COBLL1: variants seen among roughly 807,000 people sequenced by gnomAD.
The protein encoded by COBLL1 is cordon-bleu protein-like 1.
COBLL1 carries 50 observed loss-of-function variants against 94.8 expected under a neutral mutation model. That is an observed-to-expected ratio of 0.53 (90% CI 0.42 to 0.67). The LOEUF (loss-of-function observed/expected upper bound fraction) is 0.67. COBLL1 is among the 30% of genes least tolerant of loss of function. The probability of loss-of-function intolerance (pLI) is 0.00; values close to 1 mark genes in which losing one functional copy is unlikely to be tolerated. For missense variants in COBLL1, 1,362 were observed against 1,348.7 expected (o/e 1.01, Z -0.15); for synonymous variants, 448 against 473.8 (o/e 0.95, Z 0.71).
chr2:164,724,685 A>G (rs567800169), intron 5 of COBLL1: 1 of 152,328 alleles, frequency 6.6e-6, no homozygotes, highest in Admixed American at 6.5e-5. Flanking sequence ...GTGAGACATA[A>G]CTAAAGCTAA....
chr2:164,828,729 T>C (rs1682907142), intron 2 of COBLL1, among the ~76,000 whole-genome samples: 1 of 152,242 alleles, frequency 6.6e-6, no homozygotes, highest in Non-Finnish European at 1.5e-5. Flanking sequence ...ACGGAATTAA[T>C]TTACATTTCA....
chr2:164,783,800 C>G (rs142004805), intron 2 of COBLL1, among the ~76,000 whole-genome samples: 3 of 151,838 alleles, frequency 2.0e-5, no homozygotes, highest in East Asian at 1.9e-4. Context: ...GATCCAATCA[C>G]GACAAAATAT....
chr2:164,797,058 A>G (rs890695171), intron 2 of COBLL1, among the ~76,000 whole-genome samples: 12 of 152,230 alleles, frequency 7.9e-5, no homozygotes, highest in African/African-American at 2.9e-4. Context: ...ACAATTTCAC[A>G]TTTGGTATTG....
rs1180424499 is a variant in COBLL1, at chr2:164,741,607, T to G, written c.230+2080A>C. Among the ~76,000 whole-genome samples, 4 of 151,766 alleles carry G rather than the reference T, an allele frequency of 2.6e-5. No homozygotes were observed. The East Asian group carries it at 7.8e-4, about 29-fold the overall frequency. On this transcript the variant is annotated intron_variant, in intron 3 of 13. Transcript: ENST00000652658. Reference sequence around the variant, plus strand: ...TTTAATCATATTTAATCCTATCAATTCGGCTATAATACATTTTCATAGATT... The same window carrying G: ...TTTAATCATATTTAATCCTATCAATGCGGCTATAATACATTTTCATAGATT...
intron 7 of COBLL1, among the ~76,000 whole-genome samples, chr2:164,720,163 A>G (rs1037480398): frequency 1.3e-5 from 2 of 152,172 alleles, no homozygotes; most frequent in Admixed American, 1.3e-4. Flanking sequence ...GGAAAGACAA[A>G]TAAGTCTGGG....
At position 164,727,971 on chromosome 2, in the gene COBLL1, C is replaced by T. The variant is rs1363995965; in HGVS notation, c.659G>A (p.Arg220Lys). 1.3e-6 allele frequency: 2 copies of T among 1,586,980 alleles called. No homozygotes were observed. The highest frequency in any genetic ancestry group is 1.7e-5 in the Admixed American group (1 of 59,814). ...AATAAAATAAAAGTCTTACTTACCTCTGTTGACATCCATCGCATATAATTC... is the reference window on the plus strand; with the variant it reads ...AATAAAATAAAAGTCTTACTTACCTTTGTTGACATCCATCGCATATAATTC... ...LRELYAMDVN[R>K]ESCQISQNLD... The change falls in exon 5 of 14, where the codon AGA becomes AAA. Residue 220 changes from arginine to lysine, a missense_variant and splice_region_variant. Coordinates refer to ENST00000652658, the MANE Select transcript of COBLL1 (RefSeq NM_001365672.2).
At chr2:164,669,032 C>A (rs181046237) in intron 1 of COBLL1, among the ~76,000 whole-genome samples, 1 of 152,180 alleles carries the variant, frequency 6.6e-6, no homozygotes, top group Admixed American at 6.5e-5. Context: ...TTTATCCTGT[C>A]CTTAGCAATA....
At chr2:164,720,261 G>C (rs1685377098) in intron 7 of COBLL1, among the ~76,000 whole-genome samples, 1 of 135,436 alleles carries the variant, frequency 7.4e-6, no homozygotes, top group African/African-American at 3.1e-5. Context: ...TGTGTAGTTT[G>C]CCAAAGGCAA....
Position 164,685,856 on chromosome 2 carries a change from T to C in COBLL1, c.*90A>G. 1.6e-6 allele frequency: 1 copy of C among 623,488 alleles called. No homozygotes were observed. Among genetic ancestry groups the C allele is most frequent in the Non-Finnish European group, 2.8e-6 (1 of 352,746 alleles). 38.6% of individuals were successfully genotyped at this position (623,488 alleles called of 1,614,324 possible). On this transcript the variant is annotated 3_prime_UTR_variant, in exon 14 of 14. Transcript: ENST00000652658. The stretch of plus-strand genomic sequence containing the variant: ...TATTTTAATAGATAATATATTAGTG[T>C]ACATCTGAATATACATTTGCCAAAA...
At chr2:164,717,490 T>C (rs1483312966) in intron 7 of COBLL1, among the ~76,000 whole-genome samples, 4 of 152,220 alleles carry the variant, frequency 2.6e-5, no homozygotes. Flanking sequence ...TACGTTCATA[T>C]GTTTTGCTGA....
chr2:164,689,295 G>A (rs1477904811), intron 13 of COBLL1, among the ~76,000 whole-genome samples: 1 of 152,086 alleles, frequency 6.6e-6, no homozygotes. Flanking sequence ...AGACAAGTGG[G>A]TACCTGGAGT....
chr2:164,666,275 A>T (rs987934795), intron 1 of COBLL1, among the ~76,000 whole-genome samples: 1 of 152,232 alleles, frequency 6.6e-6, no homozygotes, highest in Admixed American at 6.5e-5. Context: ...CAGTACATAT[A>T]AAAGTTATGG....
At chr2:164,819,411 T>C (rs1197597333) in intron 2 of COBLL1, among the ~76,000 whole-genome samples, 1 of 152,164 alleles carries the variant, frequency 6.6e-6, no homozygotes, top group Non-Finnish European at 1.5e-5. Flanking sequence ...TGTAAGAGTT[T>C]CTCAAACTTA....
At chr2:164,768,866 G>T (rs1054759327) in intron 2 of COBLL1, among the ~76,000 whole-genome samples, 12 of 152,036 alleles carry the variant, frequency 7.9e-5, no homozygotes, top group Non-Finnish European at 1.8e-4. Context: ...GCACACGATG[G>T]CACACTAAGC....
At chr2:164,800,612 G>C (rs1683720830) in intron 2 of COBLL1, 1 of 698,290 alleles carries the variant, frequency 1.4e-6, no homozygotes, top group East Asian at 2.7e-5. Context: ...TACTGTACTT[G>C]AATGTTCTAT....
At chr2:164,792,334 G>A (rs534742535) in intron 2 of COBLL1, among the ~76,000 whole-genome samples, 1 of 151,924 alleles carries the variant, frequency 6.6e-6, no homozygotes, top group East Asian at 1.9e-4. Flanking sequence ...TCACTATGTT[G>A]CCCAGGCTGG....
intron 2 of COBLL1, among the ~76,000 whole-genome samples, chr2:164,819,831 T>C (rs1685071865): frequency 6.6e-6 from 1 of 151,640 alleles, no homozygotes. Context: ...TTTTTGTTTG[T>C]TTGTTTGTTT....
At chr2:164,766,550 G>C (rs1413092991) in intron 2 of COBLL1, among the ~76,000 whole-genome samples, 2 of 152,092 alleles carry the variant, frequency 1.3e-5, no homozygotes, top group Non-Finnish European at 2.9e-5. Flanking sequence ...GTTTCCTGAG[G>C]CTTCCCTAGA....
chr2:164,779,445 G>A (rs952491311), intron 2 of COBLL1, among the ~76,000 whole-genome samples: 2 of 152,004 alleles, frequency 1.3e-5, no homozygotes. Context: ...CCTTAAGAAC[G>A]ATATTAAAGA....
Sources: allele counts gnomAD v4.1 joint callset (sites outside exome capture counted in the v4.1 genomes callset), GRCh38; gene constraint gnomAD v4.1.1; transcripts MANE v1.5; gene names NCBI Gene and HGNC (gene_info 2026-07-23, HGNC 2026-07-21).